The following COL5A1 variants were observed in gnomAD, a reference collection of about 807,000 sequenced individuals.
COL5A1 encodes collagen alpha-1(V) chain.
COL5A1 carries 16 observed loss-of-function variants against 263.7 expected under a neutral mutation model. The ratio of observed to expected loss-of-function variants is 0.06; its 90% CI spans 0.04 to 0.09. The LOEUF (loss-of-function observed/expected upper bound fraction) is 0.09, where lower values mean the gene tolerates loss of function less well. Ranked by LOEUF, COL5A1 falls within the 10% of genes least tolerant of loss-of-function variation. The pLI is 1.00. For synonymous variants in COL5A1, 1,012 were observed against 1,004.5 expected, an observed-to-expected ratio of 1.01 and a Z score of -0.14; for missense variants, 2,036 against 2,540.5, an observed-to-expected ratio of 0.80 and a Z score of 4.27.
chr9:134,769,540 C>T (rs1351581209), intron 25 of COL5A1, among the ~76,000 whole-genome samples: 1 of 152,224 alleles, frequency 6.6e-6, no homozygotes, highest in East Asian at 1.9e-4. Flanking sequence ...ATTATAGCCA[C>T]CTTTGATCTC....
In COL5A1 at chr9:134,844,800, G is replaced by C. The variant is rs1019531937; in HGVS notation, c.*2497G>C. 6.6e-6 allele frequency: 1 copy of C among 152,076 alleles called. No individual in the cohort carries two copies. Among genetic ancestry groups the C allele is most frequent in the African/African-American group, 2.4e-5 (1 of 41,306 alleles). 9.4% of individuals were successfully genotyped at this position (152,076 alleles called of 1,614,324 possible). A position where few individuals can be genotyped will look rare whatever the true frequency, so the allele number is the denominator to read the frequency against. Reference sequence around the variant, plus strand: ...TTGTGTAACAAAGGAATAATTAACTGTAATAGTTTTTCAATAAATCGAGTT... The same window carrying C: ...TTGTGTAACAAAGGAATAATTAACTCTAATAGTTTTTCAATAAATCGAGTT... On this transcript the variant is annotated 3_prime_UTR_variant, in exon 66 of 66. Coordinates refer to ENST00000371817, the MANE Select transcript of COL5A1 (RefSeq NM_000093.5).
intron 28 of COL5A1, among the ~76,000 whole-genome samples, chr9:134,780,427 A>G (rs1416917865): frequency 6.6e-6 from 1 of 152,200 alleles, no homozygotes; most frequent in African/African-American, 2.4e-5. Context: ...CCTTGGCCCC[A>G]GAGACAACAC....
intron 10 of COL5A1, 30 bp from the exon 11 acceptor site, chr9:134,738,716 T>C (rs1334944087): frequency 1.9e-6 from 3 of 1,593,438 alleles, no homozygotes; most frequent in Non-Finnish European, 2.6e-6. Flanking sequence ...CCCCATCTTC[T>C]AACTGCCCCA....
chr9:134,752,419 C>CGG lies in COL5A1; in HGVS notation c.1663-159_1663-158dup, dbSNP rs11386016. Among the ~76,000 whole-genome samples, 227 of 140,312 alleles carry CGG rather than the reference C, an allele frequency of 1.6e-3. 2 individuals carry two copies. The highest frequency in any genetic ancestry group is 5.9e-3 in the African/African-American group (217 of 36,936). The allele number at this position is 140,312 out of a possible 152,430, so 92.1% of individuals were successfully genotyped here. ...TGGATGCTGAGAGCCCCATCGAAGT[C>CGG]GGGGGGGGGGGGCCCTTGGGGAGTC... On this transcript the variant is annotated intron_variant, in intron 13 of 65. Transcript: ENST00000371817.
intron 2 of COL5A1, among the ~76,000 whole-genome samples, chr9:134,698,936 G>T (rs1588447781): frequency 6.6e-6 from 1 of 152,232 alleles, no homozygotes; most frequent in African/African-American, 2.4e-5. Flanking sequence ...CCCTTCCTTG[G>T]CATGTCCCTG....
At position 134,821,232 on chromosome 9, in the gene COL5A1, CCT is replaced by C. The variant is rs67961688; in HGVS notation, c.4555-864_4555-863del. The stretch of plus-strand genomic sequence containing the variant: ...CCCCACGGCCAGCGGGGAAAGCACC[CCT>C]GTGTCCACCCTGTTTGCTCACCTGC... On this transcript the variant is annotated intron_variant, in intron 58 of 65. Coordinates refer to ENST00000371817, the MANE Select transcript of COL5A1 (RefSeq NM_000093.5). This position sits in a 1 kb window ranked among gnomAD's most constrained non-coding sequence, Gnocchi z 4.2. 0.039 allele frequency among the ~76,000 whole-genome samples: 5,956 copies of C among 152,136 alleles called. 153 individuals are homozygous for C. The highest frequency in any genetic ancestry group is 0.057 in the Non-Finnish European group (3,901 of 67,988).
chr9:134,747,533 A>G (rs1002563939), intron 11 of COL5A1, among the ~76,000 whole-genome samples: 4 of 85,870 alleles, frequency 4.7e-5, no homozygotes, highest in African/African-American at 3.4e-4. Context: ...ACGTTCACAC[A>G]TCCACACACA....
chr9:134,767,453 GTA>G, intron 24 of COL5A1, 99 bp downstream of exon 24: 1 of 1,110,746 alleles, frequency 9.0e-7, no homozygotes, highest in East Asian at 2.4e-5. Context: ...AGCTCTCAAT[GTA>G]TATCTTGGTG....
At chr9:134,738,453 G>A (rs370015147) in intron 9 of COL5A1, 21 bp from the exon 10 acceptor site, 41 of 1,613,878 alleles carry the variant, frequency 2.5e-5, no homozygotes, top group African/African-American at 1.7e-4. Context: ...GGTCTCAGAC[G>A]CCCTCTCTCT....
In COL5A1 at chr9:134,747,912, T is replaced by C. The variant is rs368016981; in HGVS notation, c.1495-2630T>C. ...GCATTCATACACACATGCAGACACATGCACACATGCATTCATACACACATG... is the reference window on the plus strand; with the variant it reads ...GCATTCATACACACATGCAGACACACGCACACATGCATTCATACACACATG... On this transcript the variant is annotated intron_variant, in intron 11 of 65. Transcript: ENST00000371817. Among the ~76,000 whole-genome samples, 1,053 of 137,642 alleles carry C rather than the reference T, an allele frequency of 7.7e-3. 21 individuals carry two copies. The highest frequency in any genetic ancestry group is 0.022 in the South Asian group (94 of 4,188). 90.3% of individuals were successfully genotyped at this position (137,642 alleles called of 152,430 possible).
intron 1 of COL5A1, among the ~76,000 whole-genome samples, chr9:134,645,385 T>C (rs1831444135): frequency 6.6e-6 from 1 of 152,104 alleles, no homozygotes; most frequent in African/African-American, 2.4e-5. Flanking sequence ...AGATAGACCT[T>C]GATAGGTGGA....
At chr9:134,823,588 C>T in intron 61 of COL5A1, 119 bp downstream of exon 61, 1 of 1,098,424 alleles carries the variant, frequency 9.1e-7, no homozygotes, top group South Asian at 1.4e-5. Flanking sequence ...ATGTGGCATG[C>T]CCGGGCCTTG....
intron 11 of COL5A1, among the ~76,000 whole-genome samples, chr9:134,746,816 G>T (rs1316284492): frequency 2.0e-5 from 3 of 152,250 alleles, no homozygotes; most frequent in South Asian, 2.1e-4. Context: ...GCCATATTTT[G>T]CCTGTGGCTG....
At chr9:134,655,896 G>A (rs2132486034) in intron 1 of COL5A1, among the ~76,000 whole-genome samples, 1 of 152,328 alleles carries the variant, frequency 6.6e-6, no homozygotes, top group Middle Eastern at 3.4e-3. Context: ...TCCTGGCACA[G>A]AGGGCTGGTA....
chr9:134,718,428 C>T (rs548930348), intron 4 of COL5A1, among the ~76,000 whole-genome samples: 1 of 152,358 alleles, frequency 6.6e-6, no homozygotes, highest in South Asian at 2.1e-4. Flanking sequence ...GGCATGAAAA[C>T]AGCTGCCACC....
At chr9:134,660,551 C>G (rs749171128) in intron 1 of COL5A1, among the ~76,000 whole-genome samples, 33 of 152,192 alleles carry the variant, frequency 2.2e-4, no homozygotes, top group Non-Finnish European at 4.4e-4. Flanking sequence ...ATCAAAGCCT[C>G]AAACTTCAGT....
intron 4 of COL5A1, among the ~76,000 whole-genome samples, chr9:134,707,158 C>T (rs568612233): frequency 2.8e-4 from 43 of 152,212 alleles, no homozygotes; most frequent in African/African-American, 9.2e-4. Context: ...GGAGGGGGGC[C>T]GTGGAGGGGA....
intron 63 of COL5A1, among the ~76,000 whole-genome samples, chr9:134,827,222 C>T (rs1839321543): frequency 1.3e-5 from 2 of 152,200 alleles, no homozygotes; most frequent in Admixed American, 1.3e-4. Flanking sequence ...TACGTTCTCC[C>T]CAGGGACCGC....
chr9:134,745,031 C>G (rs1835460452), intron 11 of COL5A1, among the ~76,000 whole-genome samples: 1 of 152,242 alleles, frequency 6.6e-6, no homozygotes. Context: ...CCCCAGCAGC[C>G]TGGTCGTGAA....
Sources: allele counts gnomAD v4.1 joint callset (sites outside exome capture counted in the v4.1 genomes callset), GRCh38; gene constraint gnomAD v4.1.1; non-coding constraint Gnocchi (gnomAD v3.1); transcripts MANE v1.5; gene names NCBI Gene and HGNC (gene_info 2026-07-23, HGNC 2026-07-21).